The following GPR39 variants were observed in gnomAD, a reference collection of about 807,000 sequenced individuals.
GPR39 encodes G protein-coupled receptor 39.
Under a neutral mutation model 18.4 loss-of-function variants are expected in GPR39, and 23 were observed. The ratio of observed to expected loss-of-function variants is 1.25; its 90% CI spans 0.90 to 1.77. The LOEUF is 1.77. Among genes scored for constraint, GPR39 ranks in the 40% most tolerant of loss-of-function variants. GPR39 has a pLI of 0.00. For missense variants in GPR39, 647 were observed against 602.4 expected (o/e 1.07, Z -0.78); for synonymous variants, 280 against 257.9 (o/e 1.09, Z -0.82).
chr2:132,554,275 A>T (rs1680105407), intron 1 of GPR39, among the ~76,000 whole-genome samples: 1 of 152,202 alleles, frequency 6.6e-6, no homozygotes, highest in South Asian at 2.1e-4. Flanking sequence ...AACTTTAGGT[A>T]TGATGTTAGG....
rs547341640 is a variant in GPR39, at chr2:132,519,709, C to A, written c.856+101811C>A. Reference sequence around the variant, plus strand: ...GCTGATATTACCACTCCAATGGATGCAGCTACAAACTAGGCTTCTTGCCAG... The same window carrying A: ...GCTGATATTACCACTCCAATGGATGAAGCTACAAACTAGGCTTCTTGCCAG... On this transcript the variant is annotated intron_variant, in intron 1 of 1. Transcript: ENST00000329321. 3.3e-5 allele frequency among the ~76,000 whole-genome samples: 5 copies of A among 152,288 alleles called. No individual in the cohort carries two copies. The South Asian group carries it at 8.3e-4, about 25-fold the overall frequency.
intron 1 of GPR39, among the ~76,000 whole-genome samples, chr2:132,616,339 A>T (rs1044470713): frequency 2.6e-5 from 4 of 152,130 alleles, no homozygotes; most frequent in African/African-American, 9.7e-5. Flanking sequence ...ACTCCCCAGC[A>T]TCCTATATTC....
intron 1 of GPR39, among the ~76,000 whole-genome samples, chr2:132,596,822 G>A (rs1558852806): frequency 6.6e-6 from 1 of 152,172 alleles, no homozygotes; most frequent in East Asian, 1.9e-4. Flanking sequence ...TGGAACTTCG[G>A]TAGAAATGTT....
At chr2:132,430,977 G>T (rs1201646873) in intron 1 of GPR39, among the ~76,000 whole-genome samples, 3 of 152,124 alleles carry the variant, frequency 2.0e-5, no homozygotes, top group African/African-American at 7.2e-5. Flanking sequence ...CCAGGGATCT[G>T]GTCATCTTAG....
At chr2:132,507,108 G>A (rs1679147009) in intron 1 of GPR39, among the ~76,000 whole-genome samples, 1 of 151,842 alleles carries the variant, frequency 6.6e-6, no homozygotes, top group African/African-American at 2.4e-5. Flanking sequence ...ACCTCTTAAG[G>A]CCCCACCTCT....
chr2:132,451,895 T>C (rs1680638041), intron 1 of GPR39, among the ~76,000 whole-genome samples: 1 of 152,222 alleles, frequency 6.6e-6, no homozygotes, highest in Non-Finnish European at 1.5e-5. Context: ...TTCAGTCTTC[T>C]TCACTAGGCC....
At chr2:132,626,739 C>T (rs1271109255) in intron 1 of GPR39, among the ~76,000 whole-genome samples, 1 of 152,080 alleles carries the variant, frequency 6.6e-6, no homozygotes, top group African/African-American at 2.4e-5. Flanking sequence ...AGTGATGTTA[C>T]CTTAGGAGGC....
chr2:132,430,501 G>A (rs1012451646), intron 1 of GPR39, among the ~76,000 whole-genome samples: 22 of 152,342 alleles, frequency 1.4e-4, no homozygotes, highest in African/African-American at 5.3e-4. Context: ...AGCTCACTGA[G>A]TCAAAGGGAA....
intron 1 of GPR39, among the ~76,000 whole-genome samples, chr2:132,461,601 T>C (rs1193743661): frequency 2.0e-5 from 3 of 152,300 alleles, no homozygotes; most frequent in East Asian, 3.9e-4. Context: ...TTTGGAAAAA[T>C]CTGTTGAAAA....
At chr2:132,423,214 A>G (rs1197824660) in intron 1 of GPR39, among the ~76,000 whole-genome samples, 1 of 151,782 alleles carries the variant, frequency 6.6e-6, no homozygotes, top group Non-Finnish European at 1.5e-5. Context: ...TGGAGACATG[A>G]TTGGTCATCC....
chr2:132,629,742 T>C (rs1681615182), intron 1 of GPR39, among the ~76,000 whole-genome samples: 1 of 152,246 alleles, frequency 6.6e-6, no homozygotes, highest in South Asian at 2.1e-4. Context: ...ATGAAAATCT[T>C]CAGTCAGTCC....
intron 1 of GPR39, among the ~76,000 whole-genome samples, chr2:132,552,922 A>G (rs1680074123): frequency 7.0e-6 from 1 of 142,080 alleles, no homozygotes; most frequent in Admixed American, 7.1e-5. Flanking sequence ...ATATATACAC[A>G]CACACACACA....
chr2:132,590,880 T>C (rs959334986), intron 1 of GPR39, among the ~76,000 whole-genome samples: 4 of 151,138 alleles, frequency 2.6e-5, no homozygotes, highest in Admixed American at 2.6e-4. Context: ...ACATTTGAAT[T>C]GGTGGACTGG....
rs141504843 is a variant in GPR39 at position 132,568,669 on chromosome 2, G to A, written c.857-76432G>A. ...TGCAGTGAGCTGAGATTGTGTCACT[G>A]CACTCCAGTCTGGGTGACAGAGCAA... On this transcript the variant is annotated intron_variant, in intron 1 of 1. Transcript: ENST00000329321. Among the ~76,000 whole-genome samples the A allele has an allele frequency of 9.1e-4, 139 of 152,152 alleles. 1 individual carries two copies. In the East Asian group the frequency reaches 0.014, roughly 15 times the overall value.
At chr2:132,620,702 T>G (rs1681426420) in intron 1 of GPR39, among the ~76,000 whole-genome samples, 1 of 152,224 alleles carries the variant, frequency 6.6e-6, no homozygotes, top group South Asian at 2.1e-4. Flanking sequence ...TTCTCTCTCC[T>G]TCACCAGTGG....
intron 1 of GPR39, among the ~76,000 whole-genome samples, chr2:132,524,725 G>C (rs1342337433): frequency 6.6e-6 from 1 of 152,074 alleles, no homozygotes; most frequent in African/African-American, 2.4e-5. Flanking sequence ...CCAAAATCTA[G>C]TACCCACTGT....
At chr2:132,530,012 T>C (rs1185376735) in intron 1 of GPR39, among the ~76,000 whole-genome samples, 1 of 152,124 alleles carries the variant, frequency 6.6e-6, no homozygotes, top group Non-Finnish European at 1.5e-5. Flanking sequence ...AGAATGACTT[T>C]GACGAGTTGA....
Position 132,576,465 on chromosome 2 carries a change from C to T in GPR39, c.857-68636C>T, listed in dbSNP as rs572305538. Among the ~76,000 whole-genome samples the T allele has an allele frequency of 2.0e-5, 3 of 152,160 alleles. No homozygotes were observed. In the South Asian group the frequency reaches 6.2e-4, roughly 32 times the overall value. ...CCCAGGAATTCGAGACCAGCCTGGCCAACATGGCAAAACCCCATCTCTACT... is the reference window on the plus strand; with the variant it reads ...CCCAGGAATTCGAGACCAGCCTGGCTAACATGGCAAAACCCCATCTCTACT... On this transcript the variant is annotated intron_variant, in intron 1 of 1. Coordinates refer to ENST00000329321, the MANE Select transcript of GPR39 (RefSeq NM_001508.3).
At chr2:132,532,048 A>G (rs1376895138) in intron 1 of GPR39, among the ~76,000 whole-genome samples, 2 of 152,224 alleles carry the variant, frequency 1.3e-5, no homozygotes, top group African/African-American at 2.4e-5. Context: ...TCAAAAAATC[A>G]ATGAATCCAG....
Sources: allele counts gnomAD v4.1 joint callset (sites outside exome capture counted in the v4.1 genomes callset), GRCh38; gene constraint gnomAD v4.1.1; transcripts MANE v1.5; gene names NCBI Gene and HGNC (gene_info 2026-07-23, HGNC 2026-07-21).